Variants in C19orf44 observed in about 807,000 individuals in gnomAD.
The protein encoded by C19orf44 is chromosome 19 open reading frame 44, also known as uncharacterized protein C19orf44.
A neutral mutation model predicts 50.7 loss-of-function variants in C19orf44; 43 were observed. That is an observed-to-expected ratio of 0.85 (90% CI 0.66 to 1.09). C19orf44 has a LOEUF of 1.09. Among genes scored for constraint, C19orf44 ranks in the 50% least tolerant of loss-of-function variants. The probability of loss-of-function intolerance (pLI) is 0.00; values close to 1 mark genes in which losing one functional copy is unlikely to be tolerated. For missense variants in C19orf44, 722 were observed against 836.2 expected, an observed-to-expected ratio of 0.86 and a Z score of 1.68; for synonymous variants, 298 against 334.7, an observed-to-expected ratio of 0.89 and a Z score of 1.20.
At chr19:16,514,381 C>T (rs1205323203) in intron 6 of C19orf44, 116 bp from the exon 7 acceptor site, 6 of 1,117,530 alleles carry the variant, frequency 5.4e-6, no homozygotes, top group Admixed American at 5.7e-5. Context: ...GAGACCCTGT[C>T]TCCAGAAAAA....
chr19:16,513,141 C>A (rs763329079), intron 6 of C19orf44, 32 bp downstream of exon 6: 1 of 1,594,836 alleles, frequency 6.3e-7, no homozygotes, highest in Non-Finnish European at 8.6e-7. Context: ...TCCTTCCTGT[C>A]ACATTTTACA....
intron 1 of C19orf44, among the ~76,000 whole-genome samples, chr19:16,498,895 C>G (rs1055037547): frequency 3.9e-5 from 6 of 151,980 alleles, no homozygotes; most frequent in Admixed American, 1.3e-4. Context: ...TGGTCTCTAT[C>G]TCCTGACCTC....
chr19:16,513,943 C>T (rs73513174), intron 6 of C19orf44, among the ~76,000 whole-genome samples: 18 of 152,094 alleles, frequency 1.2e-4, no homozygotes, highest in African/African-American at 4.3e-4. Context: ...TTGTGATACA[C>T]GTAGGGGTCC....
At position 16,520,724 on chromosome 19, in the gene C19orf44, C is replaced by CTGTG; in HGVS notation, c.*674_*677dup. On this transcript the variant is annotated 3_prime_UTR_variant, in exon 9 of 9. Transcript: ENST00000221671. The surrounding 1 kb of genome is among the most constrained non-coding windows in gnomAD (Gnocchi z 4.0). ...GAAAACACCGCCCCATAGGCACAGG[C>CTGTG]TGTGTGAGGGTGGACGTGATGAGTG... 7.9e-7 allele frequency: 1 copy of CTGTG among 1,265,926 alleles called. No homozygotes were observed. 78.4% of individuals were successfully genotyped at this position (1,265,926 alleles called of 1,614,324 possible).
chr19:16,508,057 G>C (rs2093445518), intron 4 of C19orf44, among the ~76,000 whole-genome samples: 1 of 151,652 alleles, frequency 6.6e-6, no homozygotes, highest in Admixed American at 6.6e-5. Context: ...CGCCCGCCTC[G>C]GCCTCCCAGA....
chr19:16,501,109 A>T lies in C19orf44; in HGVS notation c.317A>T (p.Asn106Ile), dbSNP rs1279358298. 1 of 1,613,992 alleles carries T rather than the reference A, an allele frequency of 6.2e-7. No individual in the cohort carries two copies. The highest frequency in any genetic ancestry group is 1.7e-5 in the Admixed American group (1 of 59,954). The change falls in exon 2 of 9, where the codon AAT (asparagine) becomes ATT (isoleucine). Residue 106 changes from asparagine (N) to isoleucine (I), a missense_variant. Asn to Ile is a moderately radical substitution (Grantham distance 149). Coordinates refer to ENST00000221671, the MANE Select transcript of C19orf44 (RefSeq NM_032207.4). The part of the protein sequence containing the change: ...KLAQLETRIM[N>I]RKLQRNLSDT... Reference sequence around the variant, plus strand: ...GCCCAGCTGGAAACCCGGATCATGAATCGGAAGCTGCAGAGGAATTTGTCT... The same window carrying T: ...GCCCAGCTGGAAACCCGGATCATGATTCGGAAGCTGCAGAGGAATTTGTCT...
intron 5 of C19orf44, 86 bp from the exon 6 acceptor site, chr19:16,512,928 T>C (rs1199016377): frequency 1.1e-5 from 11 of 1,039,254 alleles, no homozygotes; most frequent in Non-Finnish European, 1.6e-5. Context: ...CAAGGTCACG[T>C]AGTTTATTCC....
At chr19:16,510,530 AG>A (rs1298683164) in intron 5 of C19orf44, among the ~76,000 whole-genome samples, 1 of 152,118 alleles carries the variant, frequency 6.6e-6, no homozygotes, top group Non-Finnish European at 1.5e-5. Flanking sequence ...ACCAAGGACT[AG>A]GGTAGCACCT....
At chr19:16,513,782 G>T (rs938675827) in intron 6 of C19orf44, among the ~76,000 whole-genome samples, 1 of 152,154 alleles carries the variant, frequency 6.6e-6, no homozygotes, top group Non-Finnish European at 1.5e-5. Flanking sequence ...ATGCTGAGTT[G>T]CACAGCCTGG....
chr19:16,498,828 G>T (rs533380034), intron 1 of C19orf44, among the ~76,000 whole-genome samples: 1 of 151,902 alleles, frequency 6.6e-6, no homozygotes, highest in African/African-American at 2.4e-5. Flanking sequence ...CCACCACCGC[G>T]CCCGGCTAAT....
chr19:16,508,961 C>T (rs1012506519), intron 4 of C19orf44, among the ~76,000 whole-genome samples: 1 of 151,988 alleles, frequency 6.6e-6, no homozygotes, highest in Non-Finnish European at 1.5e-5. Flanking sequence ...GCTGGGATTA[C>T]AGATACGTGC....
chr19:16,518,804 A>C, intron 8 of C19orf44: 1 of 272,790 alleles, frequency 3.7e-6, no homozygotes, highest in Non-Finnish European at 7.1e-6. Flanking sequence ...CCTGGAGCCT[A>C]GGAGGAGGCT....
At chr19:16,513,890 A>G (rs1191948309) in intron 6 of C19orf44, among the ~76,000 whole-genome samples, 2 of 152,130 alleles carry the variant, frequency 1.3e-5, no homozygotes, top group African/African-American at 2.4e-5. Flanking sequence ...CAGCCATCTT[A>G]GAGAGTTTAG....
chr19:16,520,260 C>G lies in C19orf44; in HGVS notation c.*207C>G, dbSNP rs372500028. On this transcript the variant is annotated 3_prime_UTR_variant, in exon 9 of 9. Transcript: ENST00000221671. The surrounding 1 kb of genome is among the most constrained non-coding windows in gnomAD (Gnocchi z 4.0). Reference sequence around the variant, plus strand: ...GCTTCTGGAGGAGCGCGACCTGCTCCGACTTCTGCAGGGAAGGGTGCCCAA... The same window carrying G: ...GCTTCTGGAGGAGCGCGACCTGCTCGGACTTCTGCAGGGAAGGGTGCCCAA... 1 of 1,613,296 alleles carries G rather than the reference C, an allele frequency of 6.2e-7. No individual in the cohort carries two copies. The highest frequency in any genetic ancestry group is 1.3e-5 in the African/African-American group (1 of 74,902).
At chr19:16,513,294 C>A (rs2093463008) in intron 6 of C19orf44, among the ~76,000 whole-genome samples, 185 bp downstream of exon 6, 1 of 152,182 alleles carries the variant, frequency 6.6e-6, no homozygotes, top group Non-Finnish European at 1.5e-5. Context: ...TGCCCTTGAA[C>A]CTTCTGTCTC....
chr19:16,520,599 AG>A lies in C19orf44; in HGVS notation c.*550del, dbSNP rs1408886471. On this transcript the variant is annotated 3_prime_UTR_variant, in exon 9 of 9. Transcript: ENST00000221671. The surrounding 1 kb of genome is among the most constrained non-coding windows in gnomAD (Gnocchi z 4.0). ...CAGGTTCCTAGACCACCCCAGATGC[AG>A]GGGCTCTGGCTGTGGATGTGGCGCC... is the stretch of plus-strand genomic sequence containing the variant. 4 of 1,424,972 alleles carry A rather than the reference AG, an allele frequency of 2.8e-6. No individual in the cohort carries two copies. Among genetic ancestry groups the A allele is most frequent in the Non-Finnish European group, 3.9e-6 (4 of 1,037,794 alleles). The allele number at this position is 1,424,972 out of a possible 1,614,324, so 88.3% of individuals were successfully genotyped here.
At position 16,519,903 on chromosome 19, in the gene C19orf44, C is replaced by T; in HGVS notation, c.*41-191C>T. On this transcript the variant is annotated intron_variant, in intron 8 of 8. Transcript: ENST00000221671. The surrounding 1 kb of genome is among the most constrained non-coding windows in gnomAD (Gnocchi z 6.0). ...ATAAGGGGGCTCCAGACGCTGGCCC[C>T]CACCCCACGCTCAGCATTGAGAGCA... 1.5e-6 allele frequency: 1 copy of T among 667,542 alleles called. No individual in the cohort carries two copies. Among genetic ancestry groups the T allele is most frequent in the Non-Finnish European group, 2.6e-6 (1 of 383,634 alleles). The allele number at this position is 667,542 out of a possible 1,614,324, so 41.4% of individuals were successfully genotyped here. A position where few individuals can be genotyped will look rare whatever the true frequency, so the allele number is the denominator to read the frequency against.
chr19:16,498,957 A>G (rs1301114015), intron 1 of C19orf44, among the ~76,000 whole-genome samples: 6 of 152,212 alleles, frequency 3.9e-5, no homozygotes, highest in African/African-American at 1.4e-4. Context: ...GGCGTGAGCC[A>G]CCACGCCTAG....
chr19:16,509,940 A>G lies in C19orf44; in HGVS notation c.1591A>G (p.Thr531Ala). 1 of 1,614,252 alleles carries G rather than the reference A, an allele frequency of 6.2e-7. No individual in the cohort carries two copies. Among genetic ancestry groups the G allele is most frequent in the Non-Finnish European group, 8.5e-7 (1 of 1,180,036 alleles). ...RHVTRVLVKD[T>A]AVQTPDPAFT... ...CGTGACAAGAGTGCTTGTGAAGGAC[A>G]CAGCTGTGCAGACGCCAGATCCTGC... The change falls in exon 5 of 9, where the codon ACA becomes GCA. Residue 531 changes from threonine (T) to alanine (A), a missense_variant. Coordinates refer to ENST00000221671, the MANE Select transcript of C19orf44 (RefSeq NM_032207.4).
Sources: allele counts gnomAD v4.1 joint callset (sites outside exome capture counted in the v4.1 genomes callset), GRCh38; gene constraint gnomAD v4.1.1; non-coding constraint Gnocchi (gnomAD v3.1); transcripts MANE v1.5; gene names NCBI Gene and HGNC (gene_info 2026-07-23, HGNC 2026-07-21).